CDC42BPB: variants seen among roughly 807,000 people sequenced by gnomAD.
CDC42BPB encodes the protein serine/threonine-protein kinase MRCK beta.
Under a neutral mutation model 214.9 loss-of-function variants are expected in CDC42BPB, and 37 were observed. The ratio of observed to expected loss-of-function variants is 0.17; its 90% CI spans 0.13 to 0.23. The LOEUF is 0.23. Ranked by LOEUF, CDC42BPB falls within the 10% of genes least tolerant of loss-of-function variation. The pLI, the probability that CDC42BPB is intolerant of heterozygous loss-of-function variation, is 1.00. For synonymous variants in CDC42BPB, 931 were observed against 884.0 expected, an observed-to-expected ratio of 1.05 and a Z score of -0.94; for missense variants, 1,694 against 2,227.0, an observed-to-expected ratio of 0.76 and a Z score of 4.82.
Position 102,933,078 on chromosome 14 carries a change from A to ACACTT in CDC42BPB, c.*629_*633dup, listed in dbSNP as rs1481706890. Reference sequence around the variant, plus strand: ...GACTTCACAGTAGTAGATACTGGTGACACTTCATGGCTGCGACCCAGAATG... The same window carrying ACACTT: ...GACTTCACAGTAGTAGATACTGGTGACACTTCACTTCATGGCTGCGACCCAGAATG... On this transcript the variant is annotated 3_prime_UTR_variant, in exon 37 of 37. Transcript: ENST00000361246. 6.6e-6 allele frequency: 1 copy of ACACTT among 152,486 alleles called. No individual in the cohort carries two copies. Among genetic ancestry groups the ACACTT allele is most frequent in the East Asian group, 1.9e-4 (1 of 5,194 alleles). The allele number at this position is 152,486 out of a possible 1,614,324, so 9.4% of individuals were successfully genotyped here.
Position 103,018,253 on chromosome 14 carries a change from G to A in CDC42BPB, c.176-6065C>T, listed in dbSNP as rs35165605. ...TTCCTAACAGACCATGGAGCTGTCCGTGGCCTGGGGGTTGGGGATCCCTGT... is the reference window on the plus strand; with the variant it reads ...TTCCTAACAGACCATGGAGCTGTCCATGGCCTGGGGGTTGGGGATCCCTGT... On this transcript the variant is annotated intron_variant, in intron 1 of 36. Coordinates refer to ENST00000361246, the MANE Select transcript of CDC42BPB (RefSeq NM_006035.4). Among the ~76,000 whole-genome samples the A allele has an allele frequency of 4.7e-4, 72 of 152,358 alleles. 1 individual carries two copies. The East Asian group carries it at 0.01, about 21-fold the overall frequency.
In CDC42BPB at chr14:103,004,176, G is replaced by C. The variant is rs1181322968; in HGVS notation, c.352-153C>G. 1.4e-6 allele frequency: 2 copies of C among 1,384,518 alleles called. No homozygotes were observed. The highest frequency in any genetic ancestry group is 1.9e-6 in the Non-Finnish European group (2 of 1,066,270). The allele number at this position is 1,384,518 out of a possible 1,614,324, so 85.8% of individuals were successfully genotyped here. A position where few individuals can be genotyped will look rare whatever the true frequency, so the allele number is the denominator to read the frequency against. On this transcript the variant is annotated intron_variant, in intron 3 of 36. Transcript: ENST00000361246. This position sits in a 1 kb window ranked among gnomAD's most constrained non-coding sequence, Gnocchi z 5.3. Reference sequence around the variant, plus strand: ...TCGTGCACCACCCCGAGGCTGCTGAGGCTGAGCCATCCCTCATCCCTTCCT... The same window carrying C: ...TCGTGCACCACCCCGAGGCTGCTGACGCTGAGCCATCCCTCATCCCTTCCT...
chr14:102,991,754 A>C (rs1330425769), intron 5 of CDC42BPB, among the ~76,000 whole-genome samples: 2 of 152,220 alleles, frequency 1.3e-5, no homozygotes, highest in Non-Finnish European at 2.9e-5. Flanking sequence ...CCGTTCTTGC[A>C]ACCCTTGTAT....
chr14:103,022,971 G>T (rs1421060947), intron 1 of CDC42BPB, among the ~76,000 whole-genome samples: 1 of 151,698 alleles, frequency 6.6e-6, no homozygotes, highest in Admixed American at 6.6e-5. Flanking sequence ...CATGAAAAAA[G>T]CAGCAACCCA....
intron 16 of CDC42BPB, among the ~76,000 whole-genome samples, chr14:102,967,913 G>A (rs1007909353): frequency 2.0e-5 from 3 of 152,062 alleles, no homozygotes; most frequent in African/African-American, 4.8e-5. Context: ...GGCTAACACG[G>A]TGAAAACCCG....
intron 5 of CDC42BPB, among the ~76,000 whole-genome samples, chr14:102,995,979 A>C (rs186667352): frequency 5.1e-4 from 77 of 152,320 alleles, no homozygotes; most frequent in African/African-American, 1.4e-3. Context: ...GGGAAAAATA[A>C]AGTTTTAAAA....
intron 1 of CDC42BPB, among the ~76,000 whole-genome samples, chr14:103,023,157 T>C (rs932662247): frequency 6.8e-6 from 1 of 145,988 alleles, no homozygotes; most frequent in Non-Finnish European, 1.5e-5. Flanking sequence ...GTGCGCATTA[T>C]CATGTGGCTA....
chr14:103,049,958 G>A (rs1255002330), intron 1 of CDC42BPB, among the ~76,000 whole-genome samples: 6 of 152,136 alleles, frequency 3.9e-5, no homozygotes, highest in African/African-American at 7.2e-5. Context: ...TGATCCACCC[G>A]TCTCGGCCTC....
At chr14:103,026,222 C>T (rs776644972) in intron 1 of CDC42BPB, among the ~76,000 whole-genome samples, 1 of 151,818 alleles carries the variant, frequency 6.6e-6, no homozygotes, top group African/African-American at 2.4e-5. Context: ...ATGGTGAAAC[C>T]CCGTCTCTAC....
chr14:102,965,570 C>T (rs966738486), intron 18 of CDC42BPB, among the ~76,000 whole-genome samples: 4 of 152,142 alleles, frequency 2.6e-5, no homozygotes, highest in Non-Finnish European at 5.9e-5. Context: ...TGCCATCTTG[C>T]TGTTTTTTCT....
intron 1 of CDC42BPB, among the ~76,000 whole-genome samples, chr14:103,037,854 C>T (rs538382611): frequency 3.3e-5 from 5 of 151,574 alleles, no homozygotes; most frequent in Non-Finnish European, 5.9e-5. Flanking sequence ...CACAGTGAAA[C>T]GCGTCTCTAC....
intron 21 of CDC42BPB, among the ~76,000 whole-genome samples, chr14:102,957,198 C>CAA (rs1169886657): frequency 4.4e-3 from 144 of 32,940 alleles, no homozygotes; most frequent in East Asian, 5.9e-3. Flanking sequence ...AAGACTGTCT[C>CAA]AAAAAAAAAA....
intron 12 of CDC42BPB, among the ~76,000 whole-genome samples, chr14:102,973,743 G>A (rs1893594812): frequency 6.6e-6 from 1 of 152,216 alleles, no homozygotes; most frequent in African/African-American, 2.4e-5. Flanking sequence ...GTGGAGACTG[G>A]AGAGGCTGAT....
rs1159344011 is a variant in CDC42BPB at position 102,981,088 on chromosome 14, A to G, written c.892-67T>C. On this transcript the variant is annotated intron_variant, in intron 7 of 36. Transcript: ENST00000361246. Reference sequence around the variant, plus strand: ...TTCAGAGAGTTTAAGGTGTACAGATATGATAGGAAACAAAGTAGAAATGGT... The same window carrying G: ...TTCAGAGAGTTTAAGGTGTACAGATGTGATAGGAAACAAAGTAGAAATGGT... 2.5e-6 allele frequency: 4 copies of G among 1,591,608 alleles called. No homozygotes were observed. The Admixed American group carries it at 6.9e-5, about 28-fold the overall frequency.
chr14:103,038,156 G>A (rs563844372), intron 1 of CDC42BPB, among the ~76,000 whole-genome samples: 9 of 151,480 alleles, frequency 5.9e-5, no homozygotes, highest in African/African-American at 1.7e-4. Context: ...TCAACATGGC[G>A]AAACCCCGTC....
Position 103,031,987 on chromosome 14 carries a change from A to T in CDC42BPB, c.176-19799T>A, listed in dbSNP as rs537272900. On this transcript the variant is annotated intron_variant, in intron 1 of 36. Coordinates refer to ENST00000361246, the MANE Select transcript of CDC42BPB (RefSeq NM_006035.4). ...AGACCTGCCTTCTATTATTATTATT[A>T]TTATTTTTTTTTTTTTAAGAAAAAT... is the stretch of plus-strand genomic sequence containing the variant. Among the ~76,000 whole-genome samples the T allele has an allele frequency of 1.5e-3, 225 of 146,060 alleles. 1 individual carries two copies. Among genetic ancestry groups the T allele is most frequent in the East Asian group, 0.013 (66 of 5,142 alleles).
Position 102,933,464 on chromosome 14 carries a change from TG to T in CDC42BPB, c.*247del, listed in dbSNP as rs1386684788. The T allele has an allele frequency of 1.1e-5, 4 of 374,324 alleles. No homozygotes were observed. The highest frequency in any genetic ancestry group is 4.7e-5 in the Admixed American group (1 of 21,330). 23.2% of individuals were successfully genotyped at this position (374,324 alleles called of 1,614,324 possible). A position where few individuals can be genotyped will look rare whatever the true frequency, so the allele number is the denominator to read the frequency against. Reference sequence around the variant, plus strand: ...TGTCAGGGGTGGGAGACAGGCTGTATGGGGGTCCTTCATGTGCAGATGGAAC... The same window carrying T: ...TGTCAGGGGTGGGAGACAGGCTGTATGGGGTCCTTCATGTGCAGATGGAAC... On this transcript the variant is annotated 3_prime_UTR_variant, in exon 37 of 37. Transcript: ENST00000361246.
chr14:103,041,128 T>C lies in CDC42BPB; in HGVS notation c.175+15871A>G, dbSNP rs545998047. ...AGAGTCCAGAAAGAAACTCATACAT[T>C]TATGGTCAACTGATTCTGACAAGGA... On this transcript the variant is annotated intron_variant, in intron 1 of 36. Transcript: ENST00000361246. Among the ~76,000 whole-genome samples, 6 of 152,284 alleles carry C rather than the reference T, an allele frequency of 3.9e-5. No homozygotes were observed. The South Asian group carries it at 1.0e-3, about 26-fold the overall frequency.
In CDC42BPB at chr14:102,944,205, C is replaced by G; in HGVS notation, c.4094G>C (p.Arg1365Thr). Residue 1365 changes from arginine to threonine, a missense_variant, in exon 30 of 37, where the codon AGA (arginine) becomes ACA (threonine). Around this residue, in one of 7 missense-constraint regions of CDC42BPB, gnomAD observed 567 missense variants for 790.3 expected, o/e 0.72. Transcript: ENST00000361246. The surrounding 1 kb of genome is among the most constrained non-coding windows in gnomAD (Gnocchi z 6.6). ...YEIQRTKPFHRKFNEIVAPGS... is the reference protein window; with the variant it reads ...YEIQRTKPFHTKFNEIVAPGS... ...GGGAGCCACAATCTCATTGAACTTT[C>G]TGTGGAATGGCTTCGTTCTCTGGAT... is the stretch of plus-strand genomic sequence containing the variant. 1 of 1,613,382 alleles carries G rather than the reference C, an allele frequency of 6.2e-7. No homozygotes were observed. Among genetic ancestry groups the G allele is most frequent in the South Asian group, 1.1e-5 (1 of 91,088 alleles).
Sources: gnomAD v4.1 joint callset for allele counts (sites outside exome capture counted in the v4.1 genomes callset) on GRCh38, gnomAD v4.1.1 for gene constraint, gnomAD v4.1.1 regional missense constraint, Gnocchi (gnomAD v3.1) non-coding constraint, MANE v1.5 for transcripts, NCBI Gene and HGNC (gene_info 2026-07-23, HGNC 2026-07-21) for gene names.